The following RUNX2 variants were observed in gnomAD, a reference collection of about 807,000 sequenced individuals.
RUNX2 encodes runt-related transcription factor 2.
In RUNX2, 10 loss-of-function variants were observed where a neutral mutation model predicts 51.7. That is an observed-to-expected ratio of 0.19 (90% CI 0.12 to 0.33). The LOEUF is 0.33. RUNX2 is among the 10% of genes least tolerant of loss of function. RUNX2 has a pLI of 1.00. For missense variants in RUNX2, 562 were observed against 691.3 expected, an observed-to-expected ratio of 0.81 and a Z score of 2.10; for synonymous variants, 276 against 273.6, an observed-to-expected ratio of 1.01 and a Z score of -0.09.
chr6:45,349,722 T>C (rs1329443886), intron 2 of RUNX2, among the ~76,000 whole-genome samples: 1 of 152,228 alleles, frequency 6.6e-6, no homozygotes, highest in Non-Finnish European at 1.5e-5. Context: ...TATTTCAATA[T>C]AGTCTCTAAA....
intron 6 of RUNX2, among the ~76,000 whole-genome samples, chr6:45,500,088 C>A (rs942689217): frequency 1.3e-5 from 2 of 152,088 alleles, no homozygotes; most frequent in South Asian, 4.2e-4. Flanking sequence ...TATGGGGTAA[C>A]CCAGCAGAGG....
At chr6:45,445,085 C>T (rs945821447) in intron 5 of RUNX2, among the ~76,000 whole-genome samples, 3 of 152,054 alleles carry the variant, frequency 2.0e-5, no homozygotes, top group African/African-American at 7.2e-5. Flanking sequence ...AGTGCAGTGG[C>T]GGGATCTCGG....
intron 5 of RUNX2, among the ~76,000 whole-genome samples, chr6:45,473,630 T>A (rs926951484): frequency 2.0e-5 from 3 of 152,250 alleles, no homozygotes; most frequent in Non-Finnish European, 2.9e-5. Flanking sequence ...TCAGCAGGCA[T>A]GTGTGGACCA....
At chr6:45,480,731 C>G (rs1291693775) in intron 5 of RUNX2, among the ~76,000 whole-genome samples, 1 of 152,202 alleles carries the variant, frequency 6.6e-6, no homozygotes, top group East Asian at 1.9e-4. Context: ...GTGTTTACAT[C>G]TCCTTCTTCT....
intron 5 of RUNX2, among the ~76,000 whole-genome samples, chr6:45,472,650 T>A (rs570935327): frequency 6.6e-6 from 1 of 152,310 alleles, no homozygotes; most frequent in South Asian, 2.1e-4. Flanking sequence ...TTGTATCTGG[T>A]TCCTGCTCTG....
intron 2 of RUNX2, 193 bp from the exon 3 acceptor site, chr6:45,422,400 C>A: frequency 1.6e-6 from 1 of 610,388 alleles, no homozygotes. Flanking sequence ...ACTCTGTTGG[C>A]CCATCAGACT....
chr6:45,547,224 C>T lies in RUNX2; in HGVS notation c.1485C>T (p.Asp495=), dbSNP rs377403216. Residue 495 remains aspartate, a synonymous_variant, in exon 9 of 9, where the codon GAC becomes GAT. Transcript: ENST00000647337. The part of the protein sequence containing the change: ...PNLPNQNDGV[D]ADGSHSSSPT... ...TGCCTAACCAGAATGATGGTGTTGA[C>T]GCTGATGGAAGCCACAGCAGTTCCC... The T allele has an allele frequency of 1.8e-5, 29 of 1,614,042 alleles. No homozygotes were observed. Among genetic ancestry groups the T allele is most frequent in the Non-Finnish European group, 2.3e-5 (27 of 1,180,030 alleles).
intron 2 of RUNX2, chr6:45,421,647 G>T (rs1798191252): frequency 6.6e-6 from 1 of 152,220 alleles, no homozygotes; most frequent in African/African-American, 2.4e-5. Flanking sequence ...CTACAAAGAG[G>T]GGGTTCCTTG....
Position 45,547,385 on chromosome 6 carries a change from T to A in RUNX2, c.*80T>A. On this transcript the variant is annotated 3_prime_UTR_variant, in exon 9 of 9. Coordinates refer to ENST00000647337, the MANE Select transcript of RUNX2 (RefSeq NM_001024630.4). ...TATATACATATATAGAGAGAGTGCA[T>A]ATATATGTATATCGATTAGCTATCT... The A allele has an allele frequency of 9.0e-7, 1 of 1,105,400 alleles. No individual in the cohort carries two copies. Among genetic ancestry groups the A allele is most frequent in the Non-Finnish European group, 1.4e-6 (1 of 726,046 alleles). 68.5% of individuals were successfully genotyped at this position (1,105,400 alleles called of 1,614,324 possible).
At chr6:45,533,183 G>C (rs1329542054) in intron 7 of RUNX2, among the ~76,000 whole-genome samples, 1 of 152,098 alleles carries the variant, frequency 6.6e-6, no homozygotes, top group Non-Finnish European at 1.5e-5. Flanking sequence ...TTATCGAACA[G>C]AGTAGAAAGT....
intron 7 of RUNX2, among the ~76,000 whole-genome samples, chr6:45,540,594 C>G (rs1394995781): frequency 6.6e-6 from 1 of 152,128 alleles, no homozygotes; most frequent in Non-Finnish European, 1.5e-5. Context: ...CTTCTGTATA[C>G]TAGTCTAAAA....
chr6:45,350,440 C>T (rs1791778076), intron 2 of RUNX2, among the ~76,000 whole-genome samples: 1 of 152,164 alleles, frequency 6.6e-6, no homozygotes, highest in South Asian at 2.1e-4. Context: ...CATTTAATTT[C>T]TCCTTTTATC....
At chr6:45,540,413 C>T (rs1802184185) in intron 7 of RUNX2, among the ~76,000 whole-genome samples, 1 of 152,094 alleles carries the variant, frequency 6.6e-6, no homozygotes, top group Non-Finnish European at 1.5e-5. Context: ...TTTTCCTCTG[C>T]ACCCTGCATG....
At chr6:45,348,512 C>CAAAAAAAAAAAAAAAAAAAA (rs754208599) in intron 2 of RUNX2, among the ~76,000 whole-genome samples, 12 of 110,302 alleles carry the variant, frequency 1.1e-4, no homozygotes, top group Admixed American at 2.0e-4. Flanking sequence ...ACTAAAAATA[C>CAAAAAAAAAAAAAAAAAAAA]AAAAAAAAAA....
At chr6:45,389,996 ACT>A (rs976384834) in intron 2 of RUNX2, among the ~76,000 whole-genome samples, 6 of 116,726 alleles carry the variant, frequency 5.1e-5, no homozygotes, top group African/African-American at 1.9e-4. Context: ...ACAGAGGAAG[ACT>A]CTGTCTCAAA....
chr6:45,443,036 CTTTTTTTTT>C (rs10564853), intron 5 of RUNX2, among the ~76,000 whole-genome samples: 1 of 52,170 alleles, frequency 1.9e-5, no homozygotes, highest in Non-Finnish European at 3.1e-5. Context: ...TCAGGCCTTG[CTTTTTTTTT>C]TTTTTTTTTT....
chr6:45,332,652 C>T (rs1196217532), intron 2 of RUNX2, among the ~76,000 whole-genome samples: 1 of 151,716 alleles, frequency 6.6e-6, no homozygotes, highest in Non-Finnish European at 1.5e-5. Flanking sequence ...AATCTTTAGA[C>T]ATTTTATATG....
chr6:45,390,920 C>T (rs1288375963), intron 2 of RUNX2, among the ~76,000 whole-genome samples: 1 of 152,170 alleles, frequency 6.6e-6, no homozygotes, highest in Non-Finnish European at 1.5e-5. Context: ...AAATACATAA[C>T]TTTATTATTA....
At position 45,408,139 on chromosome 6, in the gene RUNX2, G is replaced by A. The variant is rs1301085046; in HGVS notation, c.59-14454G>A. Among the ~76,000 whole-genome samples, 4 of 151,848 alleles carry A rather than the reference G, an allele frequency of 2.6e-5. No individual in the cohort carries two copies. In the East Asian group the frequency reaches 5.8e-4, roughly 22 times the overall value. ...TGGTGCCTTGATTAATGGAGGCTCT[G>A]TGTGGAGGCCAGGAGATTTTTATTT... On this transcript the variant is annotated intron_variant, in intron 2 of 8. Transcript: ENST00000647337.
Sources: gnomAD v4.1 joint callset for allele counts (sites outside exome capture counted in the v4.1 genomes callset) on GRCh38, gnomAD v4.1.1 for gene constraint, MANE v1.5 for transcripts, NCBI Gene and HGNC (gene_info 2026-07-23, HGNC 2026-07-21) for gene names.